GFOD1: variants seen among roughly 807,000 people sequenced by gnomAD.
The protein encoded by GFOD1 is Gfo/Idh/MocA-like oxidoreductase domain containing 1.
GFOD1 carries 9 observed loss-of-function variants against 25.4 expected under a neutral mutation model. The observed-to-expected ratio is 0.35, with a 90% CI of 0.21 to 0.62. The LOEUF (loss-of-function observed/expected upper bound fraction) is 0.62, where lower values mean the gene tolerates loss of function less well. GFOD1 is among the 20% of genes least tolerant of loss of function. The pLI is 0.72. For synonymous variants in GFOD1, 253 were observed against 245.6 expected, an observed-to-expected ratio of 1.03 and a Z score of -0.28; for missense variants, 403 against 556.9, an observed-to-expected ratio of 0.72 and a Z score of 2.78.
At chr6:13,424,544 G>C (rs1304817854) in intron 1 of GFOD1, among the ~76,000 whole-genome samples, 2 of 152,026 alleles carry the variant, frequency 1.3e-5, no homozygotes, top group African/African-American at 2.4e-5. Context: ...ATTAAAATCA[G>C]GTTTCAAAGA....
At position 13,374,267 on chromosome 6, in the gene GFOD1, TTTTTTTTG is replaced by T. The variant is rs1238672811; in HGVS notation, c.254-8613_254-8606del. On this transcript the variant is annotated intron_variant, in intron 1 of 1. Coordinates refer to ENST00000379287, the MANE Select transcript of GFOD1 (RefSeq NM_018988.4). ...AGCCTAGTCTTTTTAAAAATATGTTTTTTTTTTGTGTGTGTGTGTGTGTGTGTGTGTGT... is the reference window on the plus strand; with the variant it reads ...AGCCTAGTCTTTTTAAAAATATGTTTTGTGTGTGTGTGTGTGTGTGTGTGT... Among the ~76,000 whole-genome samples the T allele has an allele frequency of 2.8e-3, 372 of 133,968 alleles. 3 individuals carry two copies. The highest frequency in any genetic ancestry group is 9.9e-3 in the African/African-American group (328 of 33,098). 87.9% of individuals were successfully genotyped at this position (133,968 alleles called of 152,430 possible).
chr6:13,397,974 TG>T (rs567775149), intron 1 of GFOD1, among the ~76,000 whole-genome samples: 8 of 152,362 alleles, frequency 5.3e-5, no homozygotes, highest in Non-Finnish European at 8.8e-5. Flanking sequence ...GCATCTTCTT[TG>T]CCCTGTCCTT....
intron 1 of GFOD1, among the ~76,000 whole-genome samples, chr6:13,383,521 A>G (rs547634257): frequency 1.3e-5 from 2 of 152,354 alleles, no homozygotes; most frequent in South Asian, 4.1e-4. Flanking sequence ...ATACACTAGG[A>G]AAAAATCAAG....
In GFOD1 at chr6:13,364,317, T is replaced by A. The variant is rs553948; in HGVS notation, c.*426A>T. 75,412 of 172,360 alleles carry A rather than the reference T, an allele frequency of 0.44. 19,726 individuals are homozygous for A. The highest frequency in any genetic ancestry group is 0.67 in the East Asian group (4,205 of 6,252). 10.7% of individuals were successfully genotyped at this position (172,360 alleles called of 1,614,324 possible). ...TGGGCCTTCTCCTGCCAGCAGTGGG[T>A]ATCCCGGGCACTGAGCTTGCCATCT... On this transcript the variant is annotated 3_prime_UTR_variant, in exon 2 of 2. Coordinates refer to ENST00000379287, the MANE Select transcript of GFOD1 (RefSeq NM_018988.4). This position sits in a 1 kb window ranked among gnomAD's most constrained non-coding sequence, Gnocchi z 4.1.
rs1438370314 is a variant in GFOD1 at position 13,363,031 on chromosome 6, G to C, written c.*1712C>G. On this transcript the variant is annotated 3_prime_UTR_variant, in exon 2 of 2. Coordinates refer to ENST00000379287, the MANE Select transcript of GFOD1 (RefSeq NM_018988.4). ...AACAAAAGCTACGTAGACTTATGAG[G>C]AATGGCTTCCACGTCCACACTTGAC... is the stretch of plus-strand genomic sequence containing the variant. 1 of 152,234 alleles carries C rather than the reference G, an allele frequency of 6.6e-6. No homozygotes were observed. Among genetic ancestry groups the C allele is most frequent in the Non-Finnish European group, 1.5e-5 (1 of 68,042 alleles). The allele number at this position is 152,234 out of a possible 1,614,324, so 9.4% of individuals were successfully genotyped here. A position where few individuals can be genotyped will look rare whatever the true frequency, so the allele number is the denominator to read the frequency against.
At chr6:13,385,650 G>A (rs1314351173) in intron 1 of GFOD1, among the ~76,000 whole-genome samples, 1 of 152,196 alleles carries the variant, frequency 6.6e-6, no homozygotes, top group African/African-American at 2.4e-5. Flanking sequence ...AGCTCATTGA[G>A]CAACTTTTGT....
chr6:13,426,558 G>T (rs998658146), intron 1 of GFOD1, among the ~76,000 whole-genome samples: 1 of 152,158 alleles, frequency 6.6e-6, no homozygotes, highest in Non-Finnish European at 1.5e-5. Flanking sequence ...TAAACGCCCG[G>T]GAAGCGGCCT....
chr6:13,476,009 C>A (rs945426233), intron 1 of GFOD1, among the ~76,000 whole-genome samples: 1 of 152,072 alleles, frequency 6.6e-6, no homozygotes, highest in African/African-American at 2.4e-5. Context: ...TAATATGATG[C>A]CACTGCTCTG....
At chr6:13,384,796 A>G (rs1421876016) in intron 1 of GFOD1, among the ~76,000 whole-genome samples, 1 of 152,200 alleles carries the variant, frequency 6.6e-6, no homozygotes, top group Non-Finnish European at 1.5e-5. Flanking sequence ...AAAATAATCA[A>G]TTGCCTCTTA....
intron 1 of GFOD1, among the ~76,000 whole-genome samples, chr6:13,445,343 C>A (rs1757985842): frequency 6.6e-6 from 1 of 152,226 alleles, no homozygotes; most frequent in Non-Finnish European, 1.5e-5. Flanking sequence ...GTTCCAGAGA[C>A]TGCCCATGGC....
intron 1 of GFOD1, among the ~76,000 whole-genome samples, chr6:13,467,552 C>T (rs1011011417): frequency 1.3e-5 from 2 of 152,166 alleles, no homozygotes; most frequent in Non-Finnish European, 2.9e-5. Context: ...TGAAAAGAAA[C>T]CTGCCTGCAA....
At chr6:13,400,363 G>A (rs1168127276) in intron 1 of GFOD1, among the ~76,000 whole-genome samples, 1 of 151,940 alleles carries the variant, frequency 6.6e-6, no homozygotes, top group Non-Finnish European at 1.5e-5. Flanking sequence ...GGTTACCACT[G>A]CGGAAGCCAC....
At chr6:13,406,551 G>A (rs1464499349) in intron 1 of GFOD1, among the ~76,000 whole-genome samples, 4 of 152,214 alleles carry the variant, frequency 2.6e-5, no homozygotes, top group Non-Finnish European at 5.9e-5. Context: ...TCGAGAGTGA[G>A]AAGAGAAGAA....
Position 13,365,087 on chromosome 6 carries a change from G to C in GFOD1, c.829C>G (p.Leu277Val). ...ACCGGCGTGGCGTCCTGCACCAGCA[G>C]CTCCTGCTCCGGGGCGCTGTTGCGC... is the stretch of plus-strand genomic sequence containing the variant. ...GQRNSAPEQE[L>V]LVQDATPVSN... is the part of the protein sequence containing the mutation. The change falls in exon 2 of 2, where the codon CTG (leucine) becomes GTG (valine). Residue 277 changes from leucine (L) to valine (V), a missense_variant. Coordinates refer to ENST00000379287, the MANE Select transcript of GFOD1 (RefSeq NM_018988.4). This position sits in a 1 kb window ranked among gnomAD's most constrained non-coding sequence, Gnocchi z 9.2. 1 of 1,612,232 alleles carries C rather than the reference G, an allele frequency of 6.2e-7. No homozygotes were observed. The highest frequency in any genetic ancestry group is 8.5e-7 in the Non-Finnish European group (1 of 1,179,858).
chr6:13,394,351 A>G (rs1785682682), intron 1 of GFOD1, among the ~76,000 whole-genome samples: 1 of 152,086 alleles, frequency 6.6e-6, no homozygotes, highest in South Asian at 2.1e-4. Context: ...TTTATGTAGA[A>G]TATCTCTCGG....
intron 1 of GFOD1, among the ~76,000 whole-genome samples, chr6:13,387,077 C>G (rs524118): frequency 2.0e-5 from 3 of 151,998 alleles, no homozygotes; most frequent in African/African-American, 7.3e-5. Flanking sequence ...GTTTTTGAAG[C>G]AATTTTAAAC....
chr6:13,440,800 TTAAAA>T, intron 1 of GFOD1, among the ~76,000 whole-genome samples: 1 of 152,338 alleles, frequency 6.6e-6, no homozygotes, highest in Non-Finnish European at 1.5e-5. Context: ...TTTAAATACT[TTAAAA>T]TAGTGCTTAT....
intron 1 of GFOD1, among the ~76,000 whole-genome samples, chr6:13,370,291 C>A (rs1350714478): frequency 6.6e-6 from 1 of 152,232 alleles, no homozygotes; most frequent in Admixed American, 6.5e-5. Flanking sequence ...CCAAAACATG[C>A]AACTCAGACA....
chr6:13,475,556 A>AC (rs921063427), intron 1 of GFOD1, among the ~76,000 whole-genome samples: 7 of 150,656 alleles, frequency 4.6e-5, no homozygotes, highest in African/African-American at 1.7e-4. Flanking sequence ...AAAAATACAA[A>AC]AAAAAAAAAA....
Sources: gnomAD v4.1 joint callset for allele counts (sites outside exome capture counted in the v4.1 genomes callset) on GRCh38, gnomAD v4.1.1 for gene constraint, Gnocchi (gnomAD v3.1) non-coding constraint, MANE v1.5 for transcripts, NCBI Gene and HGNC (gene_info 2026-07-23, HGNC 2026-07-21) for gene names.